Variants in MTCL1 observed in about 807,000 individuals in gnomAD.
MTCL1 encodes microtubule cross-linking factor 1.
MTCL1 carries 79 observed loss-of-function variants against 141.4 expected under a neutral mutation model. The observed-to-expected ratio is 0.56, with a 90% CI of 0.47 to 0.67. The LOEUF is 0.67. Among genes scored for constraint, MTCL1 ranks in the 30% least tolerant of loss-of-function variants. MTCL1 has a pLI of 0.00. For missense variants in MTCL1, 2,177 were observed against 2,113.9 expected, an observed-to-expected ratio of 1.03 and a Z score of -0.59; for synonymous variants, 914 against 875.8, an observed-to-expected ratio of 1.04 and a Z score of -0.77.
chr18:8,805,276 G>A (rs1483400411), intron 10 of MTCL1, among the ~76,000 whole-genome samples: 1 of 151,994 alleles, frequency 6.6e-6, no homozygotes, highest in Non-Finnish European at 1.5e-5. Context: ...AACCCCTTTT[G>A]GAATACCCAG....
intron 4 of MTCL1, 66 bp downstream of exon 3, chr18:8,720,562 GC>G (rs1282645633): frequency 1.3e-6 from 2 of 1,494,398 alleles, no homozygotes; most frequent in African/African-American, 2.8e-5. Flanking sequence ...AACTCCAAGT[GC>G]CCCCTTCTCA....
rs1370949722 is a variant in MTCL1 at position 8,721,357 on chromosome 18, C to T, written c.357+861C>T. 4.6e-5 allele frequency among the ~76,000 whole-genome samples: 7 copies of T among 152,170 alleles called. No individual in the cohort carries two copies. The South Asian group carries it at 1.5e-3, about 32-fold the overall frequency. On this transcript the variant is annotated intron_variant, in intron 4 of 16. Transcript: ENST00000359865. ...CCCTCCCATCTGCTGCACCTGGTTC[C>T]GGCCTGCATGGGCTCTGGGTAGGGT...
chr18:8,751,236 G>A (rs746392924), intron 4 of MTCL1, among the ~76,000 whole-genome samples: 11 of 152,318 alleles, frequency 7.2e-5, no homozygotes, highest in South Asian at 2.1e-4. Flanking sequence ...TAGAATTTTC[G>A]ACATGTTTGG....
chr18:8,816,316 A>G (rs185839456), intron 12 of MTCL1, among the ~76,000 whole-genome samples: 1 of 152,364 alleles, frequency 6.6e-6, no homozygotes, highest in East Asian at 1.9e-4. Context: ...AGATGGTGAA[A>G]GCAGTAACAC....
intron 4 of MTCL1, among the ~76,000 whole-genome samples, chr18:8,729,878 C>T (rs2096241736): frequency 6.6e-6 from 1 of 151,882 alleles, no homozygotes; most frequent in South Asian, 2.1e-4. Context: ...TGTGCCTAAC[C>T]CTACATCCTG....
intron 1 of MTCL1, among the ~76,000 whole-genome samples, chr18:8,709,894 C>T (rs188394463): frequency 1.9e-4 from 29 of 152,240 alleles, no homozygotes; most frequent in Non-Finnish European, 3.1e-4. Context: ...GGCTGGAATG[C>T]AGTGGCGTGA....
At chr18:8,742,023 G>A (rs1250439788) in intron 4 of MTCL1, among the ~76,000 whole-genome samples, 2 of 148,572 alleles carry the variant, frequency 1.3e-5, no homozygotes, top group African/African-American at 2.4e-5. Flanking sequence ...GTGTCCTCAG[G>A]AGCTCTAATG....
chr18:8,740,296 A>G (rs1314126907), intron 4 of MTCL1, among the ~76,000 whole-genome samples: 3 of 152,096 alleles, frequency 2.0e-5, no homozygotes, highest in Non-Finnish European at 2.9e-5. Context: ...TCTTACTCCT[A>G]TGTGTTTAGA....
rs1444673212 is a variant in MTCL1 at position 8,718,652 on chromosome 18, A to G, written c.198+4A>G. 6.2e-7 allele frequency: 1 copy of G among 1,612,332 alleles called. No homozygotes were observed. The highest frequency in any genetic ancestry group is 8.5e-7 in the Non-Finnish European group (1 of 1,179,858). ...AAGCCTGGAGCAGGACTTGAAGGTGAGTGAGGGGGTGGTGCGTGCACCTCG... is the reference window on the plus strand; with the variant it reads ...AAGCCTGGAGCAGGACTTGAAGGTGGGTGAGGGGGTGGTGCGTGCACCTCG... On this transcript the variant is annotated splice_donor_region_variant and intron_variant, in intron 3 of 16. Transcript: ENST00000359865.
At chr18:8,766,554 T>C (rs1432653091) in intron 4 of MTCL1, among the ~76,000 whole-genome samples, 2 of 152,240 alleles carry the variant, frequency 1.3e-5, no homozygotes, top group African/African-American at 4.8e-5. Context: ...TTGTGTCTCA[T>C]AAATATAATA....
chr18:8,735,630 C>T lies in MTCL1; in HGVS notation c.357+15134C>T, dbSNP rs2096271269. Reference sequence around the variant, plus strand: ...ACTCTGTGCATTACTTCTGGAAATTCCTCTAGTTGGGGGGTGGGCATGGAG... The same window carrying T: ...ACTCTGTGCATTACTTCTGGAAATTTCTCTAGTTGGGGGGTGGGCATGGAG... On this transcript the variant is annotated intron_variant, in intron 4 of 16. Coordinates refer to ENST00000359865, the Ensembl canonical transcript of MTCL1. Among the ~76,000 whole-genome samples, 2 of 152,100 alleles carry T rather than the reference C, an allele frequency of 1.3e-5. 1 individual carries two copies. Among genetic ancestry groups the T allele is most frequent in the South Asian group, 4.1e-4 (2 of 4,826 alleles).
chr18:8,730,407 C>T (rs1371140686), intron 4 of MTCL1, among the ~76,000 whole-genome samples: 3 of 152,116 alleles, frequency 2.0e-5, no homozygotes, highest in Non-Finnish European at 2.9e-5. Context: ...GAGAAAGAGC[C>T]AAAACATTAT....
rs1003312217 is a variant in MTCL1 at position 8,779,184 on chromosome 18, A to G, written c.417+1292A>G. ...CTTGCAAGCCAAAGAATATATACAG[A>G]GAGCGATATATTTCTGTTGCTTGAC... On this transcript the variant is annotated intron_variant, in intron 5 of 16. Coordinates refer to ENST00000359865, the Ensembl canonical transcript of MTCL1. The surrounding 1 kb of genome is among the most constrained non-coding windows in gnomAD (Gnocchi z 4.1). Among the ~76,000 whole-genome samples the G allele has an allele frequency of 1.3e-5, 2 of 152,166 alleles. No individual in the cohort carries two copies. Among genetic ancestry groups the G allele is most frequent in the African/African-American group, 4.8e-5 (2 of 41,442 alleles).
chr18:8,748,237 A>C (rs2096351344), intron 4 of MTCL1, among the ~76,000 whole-genome samples: 1 of 152,088 alleles, frequency 6.6e-6, no homozygotes, highest in South Asian at 2.1e-4. Flanking sequence ...TCAGTTTTGC[A>C]CAAAGCTGCC....
chr18:8,816,260 A>G (rs1369172573), intron 12 of MTCL1, among the ~76,000 whole-genome samples: 1 of 152,256 alleles, frequency 6.6e-6, no homozygotes, highest in African/African-American at 2.4e-5. Flanking sequence ...ACATTTGACT[A>G]CTTGGTAAGC....
At chr18:8,750,297 C>G (rs1013328958) in intron 4 of MTCL1, among the ~76,000 whole-genome samples, 16 of 152,338 alleles carry the variant, frequency 1.1e-4, no homozygotes, top group South Asian at 4.1e-4. Context: ...CTGCCCGCCT[C>G]AGCCTCCCAG....
rs112600899 is a variant in MTCL1 at position 8,786,119 on chromosome 18, C to A, written c.1887+28C>A. 8.0e-4 allele frequency: 1,141 copies of A among 1,430,784 alleles called. 30 individuals carry two copies. The highest frequency in any genetic ancestry group is 7.3e-3 in the Middle Eastern group (33 of 4,504). 88.6% of individuals were successfully genotyped at this position (1,430,784 alleles called of 1,614,324 possible). On this transcript the variant is annotated intron_variant, in intron 7 of 16. Coordinates refer to ENST00000359865, the Ensembl canonical transcript of MTCL1. ...CAGCGTGGGCAAGCAATCCCCCCCCCCCGCCCTCCCCCTCCTTTTTCTGTG... is the reference window on the plus strand; with the variant it reads ...CAGCGTGGGCAAGCAATCCCCCCCCACCGCCCTCCCCCTCCTTTTTCTGTG...
chr18:8,746,588 AAGAT>A (rs906481085), intron 4 of MTCL1, among the ~76,000 whole-genome samples: 3 of 152,186 alleles, frequency 2.0e-5, no homozygotes, highest in African/African-American at 7.2e-5. Flanking sequence ...GAGTAAAAAT[AAGAT>A]AGAGGATACC....
chr18:8,722,191 C>A (rs993780514), intron 4 of MTCL1, among the ~76,000 whole-genome samples: 1 of 152,156 alleles, frequency 6.6e-6, no homozygotes. Flanking sequence ...TTGAGCCTGA[C>A]CTCAACAGTT....
Sources: allele counts gnomAD v4.1 joint callset (sites outside exome capture counted in the v4.1 genomes callset), GRCh38; gene constraint gnomAD v4.1.1; non-coding constraint Gnocchi (gnomAD v3.1); transcripts MANE v1.5; gene names NCBI Gene and HGNC (gene_info 2026-07-23, HGNC 2026-07-21).